Variants in PRKN observed in about 807,000 individuals in gnomAD.
The protein encoded by PRKN is E3 ubiquitin-protein ligase parkin.
A neutral mutation model predicts 59.5 loss-of-function variants in PRKN; 56 were observed. The ratio of observed to expected loss-of-function variants is 0.94; its 90% CI spans 0.76 to 1.18. The LOEUF (loss-of-function observed/expected upper bound fraction) is 1.18, where lower values mean the gene tolerates loss of function less well. Ranked by LOEUF, PRKN falls within the 50% of genes most tolerant of loss-of-function variation. The probability of loss-of-function intolerance (pLI) is 0.00; values close to 1 mark genes in which losing one functional copy is unlikely to be tolerated. For synonymous variants in PRKN, 250 were observed against 222.1 expected (o/e 1.13, Z -1.12); for missense variants, 657 against 596.4 (o/e 1.10, Z -1.06).
chr6:162,546,807 G>A (rs906895647), intron 1 of PRKN, among the ~76,000 whole-genome samples: 4 of 151,888 alleles, frequency 2.6e-5, no homozygotes, highest in East Asian at 1.9e-4. Flanking sequence ...CAAAATACAC[G>A]CCTAATTGAA....
At chr6:162,190,182 C>A (rs1326122353) in intron 4 of PRKN, among the ~76,000 whole-genome samples, 1 of 152,168 alleles carries the variant, frequency 6.6e-6, no homozygotes, top group Non-Finnish European at 1.5e-5. Context: ...TCGTGCCCTA[C>A]AACAAACCCA....
chr6:162,692,106 T>C (rs1282443297), intron 1 of PRKN, among the ~76,000 whole-genome samples: 7 of 151,418 alleles, frequency 4.6e-5, no homozygotes, highest in Admixed American at 6.6e-5. Flanking sequence ...TCCTTGCCCA[T>C]GCCTATGCCT....
At position 162,531,586 on chromosome 6, in the gene PRKN, G is replaced by A. The variant is rs189357588; in HGVS notation, c.8-88113C>T. ...TAGGTGGGAGCACAAGATCAGATAA[G>A]CCAGTTAATCCATCTGGGTGGGGCC... On this transcript the variant is annotated intron_variant, in intron 1 of 11. Coordinates refer to ENST00000366898, the MANE Select transcript of PRKN (RefSeq NM_004562.3). Among the ~76,000 whole-genome samples, 341 of 152,172 alleles carry A rather than the reference G, an allele frequency of 2.2e-3. 1 individual carries two copies. The highest frequency in any genetic ancestry group is 7.9e-3 in the African/African-American group (326 of 41,528).
intron 2 of PRKN, among the ~76,000 whole-genome samples, chr6:162,307,574 G>T (rs928985728): frequency 6.6e-6 from 1 of 152,058 alleles, no homozygotes; most frequent in African/African-American, 2.4e-5. Flanking sequence ...AATTTGGAAG[G>T]AAAATACTAT....
chr6:161,500,766 G>A (rs943827539), intron 9 of PRKN, among the ~76,000 whole-genome samples: 2 of 151,508 alleles, frequency 1.3e-5, no homozygotes, highest in African/African-American at 4.9e-5. Context: ...GTCAATATCT[G>A]TATGAAGGTT....
rs528800703 is a variant in PRKN at position 161,503,663 on chromosome 6, G to A, written c.1083+45191C>T. Among the ~76,000 whole-genome samples the A allele has an allele frequency of 6.6e-6, 1 of 152,276 alleles. No homozygotes were observed. Among genetic ancestry groups the A allele is most frequent in the Admixed American group, 6.5e-5 (1 of 15,290 alleles). ...TGCTCTGCCCCCAGAGCCCTGCTTCGAGAGCCTCTATGCTTCTATGAAGGT... is the reference window on the plus strand; with the variant it reads ...TGCTCTGCCCCCAGAGCCCTGCTTCAAGAGCCTCTATGCTTCTATGAAGGT... On this transcript the variant is annotated intron_variant, in intron 9 of 11. Transcript: ENST00000366898. The surrounding 1 kb of genome is among the most constrained non-coding windows in gnomAD (Gnocchi z 5.1).
At chr6:161,919,230 C>G (rs539205318) in intron 6 of PRKN, among the ~76,000 whole-genome samples, 1 of 152,018 alleles carries the variant, frequency 6.6e-6, no homozygotes, top group Admixed American at 6.6e-5. Flanking sequence ...CTCAAAATTA[C>G]GCTGAGGGAA....
intron 2 of PRKN, among the ~76,000 whole-genome samples, chr6:162,410,488 C>T (rs1788301591): frequency 6.6e-6 from 1 of 152,182 alleles, no homozygotes; most frequent in Admixed American, 6.5e-5. Context: ...ATGCCCTTTC[C>T]AATTTCGCTC....
At chr6:161,898,474 A>G (rs1777746710) in intron 6 of PRKN, among the ~76,000 whole-genome samples, 1 of 152,228 alleles carries the variant, frequency 6.6e-6, no homozygotes, top group South Asian at 2.1e-4. Flanking sequence ...AAATGGATAT[A>G]ATTATCTTCA....
chr6:162,009,481 C>G (rs895255772), intron 5 of PRKN, among the ~76,000 whole-genome samples: 7 of 151,880 alleles, frequency 4.6e-5, no homozygotes, highest in African/African-American at 1.7e-4. Flanking sequence ...AATCACTATT[C>G]TTCAATAACT....
intron 9 of PRKN, among the ~76,000 whole-genome samples, chr6:161,436,288 ACAGAGAGCAGGGGCCGGGATGGGAGGG>A (rs1562448123): frequency 3.1e-3 from 111 of 35,492 alleles, no homozygotes; most frequent in Middle Eastern, 0.018. Context: ...AATGGGAGGG[ACAGAGAGCAGGGGCCGGGATGGGAGGG>A]CAGAGAGGAG....
At chr6:161,857,566 G>C (rs1419053955) in intron 6 of PRKN, among the ~76,000 whole-genome samples, 2 of 151,998 alleles carry the variant, frequency 1.3e-5, no homozygotes, top group Non-Finnish European at 2.9e-5. Flanking sequence ...ATCTACATTG[G>C]GGTATGTGTA....
At chr6:162,241,733 T>C (rs758908585) in intron 3 of PRKN, among the ~76,000 whole-genome samples, 3 of 152,182 alleles carry the variant, frequency 2.0e-5, no homozygotes, top group Non-Finnish European at 4.4e-5. Context: ...TTATGTCTGA[T>C]GATATCCAAC....
chr6:162,553,425 G>C (rs1779409651), intron 1 of PRKN, among the ~76,000 whole-genome samples: 1 of 151,682 alleles, frequency 6.6e-6, no homozygotes, highest in African/African-American at 2.4e-5. Flanking sequence ...TAGATATAGG[G>C]GGGGTGCTGT....
intron 1 of PRKN, among the ~76,000 whole-genome samples, chr6:162,723,835 TATAAA>T (rs1188436242): frequency 6.6e-6 from 1 of 152,226 alleles, no homozygotes; most frequent in Non-Finnish European, 1.5e-5. Context: ...TAGTGTATCC[TATAAA>T]AGACTAGGCA....
chr6:162,619,686 T>C (rs187305273), intron 1 of PRKN, among the ~76,000 whole-genome samples: 1 of 135,708 alleles, frequency 7.4e-6, no homozygotes, highest in African/African-American at 2.8e-5. Context: ...GAAGTGTTGG[T>C]ATCTATCCTT....
chr6:162,002,825 TA>T (rs1782109047), intron 5 of PRKN, among the ~76,000 whole-genome samples: 1 of 152,166 alleles, frequency 6.6e-6, no homozygotes, highest in African/African-American at 2.4e-5. Context: ...TAATAAGTTA[TA>T]TTTTCATTTT....
At chr6:162,680,217 T>C (rs1361310374) in intron 1 of PRKN, among the ~76,000 whole-genome samples, 1 of 151,084 alleles carries the variant, frequency 6.6e-6, no homozygotes, top group Non-Finnish European at 1.5e-5. Context: ...GAAATATATG[T>C]TTATATGTAC....
At chr6:161,655,898 A>G (rs73786419) in intron 7 of PRKN, among the ~76,000 whole-genome samples, 3,695 of 71,668 alleles carry the variant, frequency 0.052, 80 homozygotes, top group African/African-American at 0.1. Flanking sequence ...ACACACACAC[A>G]CACACACACA....
Sources: allele counts gnomAD v4.1 joint callset (sites outside exome capture counted in the v4.1 genomes callset), GRCh38; gene constraint gnomAD v4.1.1; non-coding constraint Gnocchi (gnomAD v3.1); transcripts MANE v1.5; gene names NCBI Gene and HGNC (gene_info 2026-07-23, HGNC 2026-07-21).